JAK1: variants seen among roughly 807,000 people sequenced by gnomAD.
JAK1 encodes the protein tyrosine-protein kinase JAK1.
JAK1 carries 16 observed loss-of-function variants against 136.6 expected under a neutral mutation model. The observed-to-expected ratio is 0.12, with a 90% CI of 0.08 to 0.18. The LOEUF (loss-of-function observed/expected upper bound fraction) is 0.18. JAK1 is among the 10% of genes least tolerant of loss of function. The pLI, the probability that JAK1 is intolerant of heterozygous loss-of-function variation, is 1.00. For synonymous variants in JAK1, 492 were observed against 519.5 expected (o/e 0.95, Z 0.72); for missense variants, 859 against 1,450.1 (o/e 0.59, Z 6.62).
intron 8 of JAK1, among the ~76,000 whole-genome samples, chr1:64,860,981 T>TGTGTGTGTGTGTG (rs1656294523): frequency 1.5e-5 from 2 of 130,936 alleles, no homozygotes; most frequent in African/African-American, 2.9e-5. Flanking sequence ...TGTGTGTGTG[T>TGTGTGTGTGTGTG]TGGGGGTGAC....
At chr1:65,040,641 C>T (rs1647123172) in intron 2 of JAK1, among the ~76,000 whole-genome samples, 2 of 152,130 alleles carry the variant, frequency 1.3e-5, no homozygotes, top group Non-Finnish European at 2.9e-5. Context: ...CCCTCACATA[C>T]ACACACATGC....
intron 1 of JAK1, among the ~76,000 whole-genome samples, chr1:64,955,410 G>A (rs780295074): frequency 9.9e-5 from 15 of 152,172 alleles, no homozygotes; most frequent in Non-Finnish European, 1.8e-4. Context: ...ATGGAATTCT[G>A]ACAGATGGAA....
rs376077720 is a variant in JAK1, at chr1:64,866,917, G to A, written c.939C>T (p.Tyr313=). Residue 313 remains tyrosine (Y), a synonymous_variant, in exon 7 of 25, where the codon TAC becomes TAT. Transcript: ENST00000342505. ...HSNDGGNVLY[Y]EVMVTGNLGI... ...CAAGATTCCCAGTCACCATCACTTC[G>A]TAGTAGAGAACGTTTCCACCGTCAT... The A allele has an allele frequency of 1.9e-5, 30 of 1,614,002 alleles. No homozygotes were observed. Among genetic ancestry groups the A allele is most frequent in the East Asian group, 6.7e-5 (3 of 44,894 alleles).
intron 11 of JAK1, among the ~76,000 whole-genome samples, chr1:64,851,621 C>G (rs372129206): frequency 2.1e-4 from 32 of 152,268 alleles, no homozygotes; most frequent in African/African-American, 7.7e-4. Context: ...AAACAGCAAA[C>G]CCAACACATT....
At chr1:64,972,010 C>G (rs994769988) in intron 2 of JAK1, among the ~76,000 whole-genome samples, 1 of 152,006 alleles carries the variant, frequency 6.6e-6, no homozygotes, top group African/African-American at 2.4e-5. Context: ...GCCTGGGCAA[C>G]AGAACAAGAC....
At chr1:65,048,246 T>A (rs568305062) in intron 1 of JAK1, among the ~76,000 whole-genome samples, 1 of 152,328 alleles carries the variant, frequency 6.6e-6, no homozygotes, top group Admixed American at 6.5e-5. Context: ...GTAAGTGACC[T>A]AGTTTTTCTA....
chr1:64,985,570 A>C, intron 2 of JAK1: 3 of 1,122,058 alleles, frequency 2.7e-6, no homozygotes, highest in Non-Finnish European at 4.0e-6. Context: ...CCCAGGATGA[A>C]TTCCAGATCA....
intron 11 of JAK1, among the ~76,000 whole-genome samples, chr1:64,854,133 T>A (rs921602035): frequency 8.5e-5 from 13 of 152,190 alleles, no homozygotes; most frequent in Non-Finnish European, 1.9e-4. Context: ...AAGTCCCTCC[T>A]CTTTCACCAA....
At chr1:65,046,339 A>G (rs1173745693) in intron 1 of JAK1, among the ~76,000 whole-genome samples, 1 of 152,194 alleles carries the variant, frequency 6.6e-6, no homozygotes, top group African/African-American at 2.4e-5. Context: ...GACAAGCTGG[A>G]GGCCATGCCA....
chr1:65,017,775 A>G (rs1420506762), intron 2 of JAK1, among the ~76,000 whole-genome samples: 1 of 152,158 alleles, frequency 6.6e-6, no homozygotes, highest in East Asian at 1.9e-4. Context: ...TCATGGGTCA[A>G]AGAAGAAATC....
Position 64,844,982 on chromosome 1 carries a change from G to T in JAK1, c.2116-93C>A. On this transcript the variant is annotated intron_variant, in intron 15 of 24. Transcript: ENST00000342505. The surrounding 1 kb of genome is among the most constrained non-coding windows in gnomAD (Gnocchi z 5.7). Reference sequence around the variant, plus strand: ...CTCAGGTCATCTCTTCCTACCCCCAGCTACAGCCAGATCTGGACAGCCTGG... The same window carrying T: ...CTCAGGTCATCTCTTCCTACCCCCATCTACAGCCAGATCTGGACAGCCTGG... The T allele has an allele frequency of 6.5e-7, 1 of 1,537,560 alleles. No homozygotes were observed. The highest frequency in any genetic ancestry group is 8.9e-7 in the Non-Finnish European group (1 of 1,122,622).
At chr1:64,934,131 G>A (rs998431824) in intron 1 of JAK1, among the ~76,000 whole-genome samples, 3 of 72,614 alleles carry the variant, frequency 4.1e-5, no homozygotes, top group Non-Finnish European at 1.0e-4. Flanking sequence ...GGAAAACATG[G>A]AGAGATGTAA....
At chr1:65,036,569 G>C (rs1484466043) in intron 2 of JAK1, among the ~76,000 whole-genome samples, 1 of 152,192 alleles carries the variant, frequency 6.6e-6, no homozygotes, top group South Asian at 2.1e-4. Context: ...TTGTATCTTC[G>C]TGACTGCCCT....
At chr1:64,955,125 A>G (rs995625360) in intron 1 of JAK1, among the ~76,000 whole-genome samples, 7 of 152,230 alleles carry the variant, frequency 4.6e-5, no homozygotes, top group Non-Finnish European at 8.8e-5. Flanking sequence ...GTACAATTTG[A>G]GCAAGTGTAC....
At chr1:64,882,122 T>C (rs573138737) in intron 3 of JAK1, among the ~76,000 whole-genome samples, 1 of 152,340 alleles carries the variant, frequency 6.6e-6, no homozygotes, top group South Asian at 2.1e-4. Flanking sequence ...GCCCATTTTA[T>C]TCTGTGTCAG....
chr1:64,857,753 C>T lies in JAK1; in HGVS notation c.1361G>A (p.Arg454Gln), dbSNP rs767899688. The stretch of plus-strand genomic sequence containing the variant: ...CATCCCCTCCTCGCTTCCTTCTTGC[C>T]GCAATTTATTGATGGCGTATTCTGT... ...ICTEYAINKL[R>Q]QEGSEEGMYV... Residue 454 changes from arginine (R) to glutamine (Q), a missense_variant, in exon 10 of 25, where the codon CGG becomes CAG. Arg to Gln is a conservative substitution (Grantham distance 43). Around this residue, in one of 4 missense-constraint regions of JAK1, gnomAD observed 409 missense variants for 753.8 expected, o/e 0.54. Transcript: ENST00000342505. The T allele has an allele frequency of 6.8e-6, 11 of 1,614,106 alleles. No individual in the cohort carries two copies. Among genetic ancestry groups the T allele is most frequent in the Admixed American group, 3.3e-5 (2 of 60,026 alleles).
intron 1 of JAK1, among the ~76,000 whole-genome samples, chr1:64,957,490 T>G (rs1280529704): frequency 6.6e-6 from 1 of 152,206 alleles, no homozygotes; most frequent in African/African-American, 2.4e-5. Context: ...GGCACAGCTC[T>G]TTCACACTTC....
chr1:65,062,829 CTTGA>C (rs142350431), intron 1 of JAK1, among the ~76,000 whole-genome samples: 2,220 of 152,290 alleles, frequency 0.015, 53 homozygotes, highest in African/African-American at 0.051. Context: ...TCAACAGATA[CTTGA>C]TTGATTGATT....
chr1:65,014,467 GAGA>G (rs1646875876), intron 2 of JAK1, among the ~76,000 whole-genome samples: 1 of 142,320 alleles, frequency 7.0e-6, no homozygotes, highest in Non-Finnish European at 1.6e-5. Context: ...GGAAAGAAAG[GAGA>G]AAAAGAAAGA....
Sources: gnomAD v4.1 joint callset for allele counts (sites outside exome capture counted in the v4.1 genomes callset) on GRCh38, gnomAD v4.1.1 for gene constraint, gnomAD v4.1.1 regional missense constraint, Gnocchi (gnomAD v3.1) non-coding constraint, MANE v1.5 for transcripts, NCBI Gene and HGNC (gene_info 2026-07-23, HGNC 2026-07-21) for gene names.